Variants in DOCK3 observed in about 807,000 individuals in gnomAD.
The protein encoded by DOCK3 is dedicator of cytokinesis 3.
Under a neutral mutation model 265.6 loss-of-function variants are expected in DOCK3, and 60 were observed. The ratio of observed to expected loss-of-function variants is 0.23; its 90% CI spans 0.18 to 0.28. DOCK3 has a LOEUF of 0.28. Among genes scored for constraint, DOCK3 ranks in the 10% least tolerant of loss-of-function variants. The pLI is 1.00. For synonymous variants in DOCK3, 881 were observed against 938.0 expected (o/e 0.94, Z 1.11); for missense variants, 1,981 against 2,594.3 (o/e 0.76, Z 5.14).
chr3:51,288,224 T>A (rs901975629), intron 27 of DOCK3, among the ~76,000 whole-genome samples: 4 of 152,012 alleles, frequency 2.6e-5, no homozygotes, highest in African/African-American at 9.7e-5. Flanking sequence ...AAACCCCGTC[T>A]CTACTAAAAA....
chr3:50,881,955 A>G (rs2048056295), intron 3 of DOCK3, among the ~76,000 whole-genome samples: 1 of 152,190 alleles, frequency 6.6e-6, no homozygotes, highest in African/African-American at 2.4e-5. Flanking sequence ...CCTCGGAAAT[A>G]ATACCACACG....
chr3:50,705,914 C>T (rs1559533913), intron 1 of DOCK3, among the ~76,000 whole-genome samples: 2 of 151,986 alleles, frequency 1.3e-5, no homozygotes, highest in African/African-American at 2.4e-5. Flanking sequence ...ACTTGTAATC[C>T]GAGCTACTCA....
intron 5 of DOCK3, among the ~76,000 whole-genome samples, chr3:50,937,219 G>A (rs1225269831): frequency 7.1e-6 from 1 of 141,406 alleles, no homozygotes; most frequent in Non-Finnish European, 1.5e-5. Flanking sequence ...GGAGGTTTCA[G>A]TAAGCCAAGA....
intron 27 of DOCK3, among the ~76,000 whole-genome samples, chr3:51,309,774 C>G (rs2082955731): frequency 6.6e-6 from 1 of 152,244 alleles, no homozygotes. Context: ...CATGGACAAG[C>G]AGATTTTCAG....
At chr3:50,788,079 G>A in intron 2 of DOCK3, 1 of 756,632 alleles carries the variant, frequency 1.3e-6, no homozygotes, top group South Asian at 1.7e-5. Context: ...TGGAGATGTA[G>A]TTTGCTCATC....
intron 5 of DOCK3, among the ~76,000 whole-genome samples, chr3:50,935,340 G>A (rs2051297931): frequency 6.6e-6 from 1 of 152,188 alleles, no homozygotes; most frequent in African/African-American, 2.4e-5. Context: ...ACAGTAACAA[G>A]GGGATGCCCC....
intron 5 of DOCK3, among the ~76,000 whole-genome samples, chr3:51,015,540 T>G: frequency 7.1e-6 from 1 of 140,936 alleles, no homozygotes; most frequent in African/African-American, 2.7e-5. Flanking sequence ...TAGTATTTTG[T>G]TGAGGATTTT....
At chr3:50,835,961 A>G (rs572205416) in intron 2 of DOCK3, among the ~76,000 whole-genome samples, 1 of 152,336 alleles carries the variant, frequency 6.6e-6, no homozygotes, top group East Asian at 1.9e-4. Flanking sequence ...CAAAGAGCCA[A>G]GTATCCCCCC....
chr3:50,971,285 C>T (rs1480921755), intron 5 of DOCK3, among the ~76,000 whole-genome samples: 1 of 151,402 alleles, frequency 6.6e-6, no homozygotes, highest in Non-Finnish European at 1.5e-5. Flanking sequence ...TCTCTGTTTC[C>T]TTCTTTTCTA....
chr3:51,337,997 T>C (rs1449852873), intron 35 of DOCK3, among the ~76,000 whole-genome samples: 1 of 152,230 alleles, frequency 6.6e-6, no homozygotes, highest in Non-Finnish European at 1.5e-5. Context: ...ACCTGCCCTT[T>C]AAGGAGAATT....
chr3:51,008,319 C>A (rs941872884), intron 5 of DOCK3, among the ~76,000 whole-genome samples: 1 of 152,132 alleles, frequency 6.6e-6, no homozygotes, highest in African/African-American at 2.4e-5. Flanking sequence ...GTTTGTAGTT[C>A]TCCTTGAAGA....
chr3:50,964,686 G>A (rs2076978753), intron 5 of DOCK3, among the ~76,000 whole-genome samples: 1 of 152,136 alleles, frequency 6.6e-6, no homozygotes, highest in Non-Finnish European at 1.5e-5. Context: ...AAAAGGGACA[G>A]GAGGTAGATG....
chr3:51,226,889 C>T (rs1432437454), intron 15 of DOCK3, among the ~76,000 whole-genome samples: 1 of 152,168 alleles, frequency 6.6e-6, no homozygotes, highest in Non-Finnish European at 1.5e-5. Flanking sequence ...AGGCTGTCTC[C>T]ACTTTGTAAT....
intron 5 of DOCK3, among the ~76,000 whole-genome samples, chr3:51,044,783 A>C (rs948600839): frequency 1.3e-5 from 2 of 152,024 alleles, no homozygotes. Context: ...TGTTGTGGAG[A>C]TACCATCTTT....
intron 9 of DOCK3, among the ~76,000 whole-genome samples, chr3:51,129,588 A>C (rs2084418214): frequency 6.6e-6 from 1 of 152,194 alleles, no homozygotes; most frequent in Non-Finnish European, 1.5e-5. Context: ...CACCCAGCTC[A>C]TGATAGGCCA....
intron 12 of DOCK3, among the ~76,000 whole-genome samples, chr3:51,202,452 C>G (rs1488098249): frequency 3.9e-5 from 6 of 151,952 alleles, no homozygotes; most frequent in Non-Finnish European, 7.4e-5. Context: ...TATACACCCT[C>G]CCAAGACTAA....
chr3:51,260,305 A>G lies in DOCK3; in HGVS notation c.2334A>G (p.Ser778=). 2 of 1,613,896 alleles carry G rather than the reference A, an allele frequency of 1.2e-6. No homozygotes were observed. The highest frequency in any genetic ancestry group is 1.7e-6 in the Non-Finnish European group (2 of 1,179,844). The part of the protein sequence containing the change: ...RFVLSLDSRN[S]ETLLFTQAAL... ...TGCTCAGTCTGGACAGCCGAAACTC[A>G]GAAACACTCCTTTTTACTCAGGTTC... The change falls in exon 23 of 53, where the codon TCA becomes TCG. Residue 778 remains serine (S), a synonymous_variant. Coordinates refer to ENST00000266037, the MANE Select transcript of DOCK3 (RefSeq NM_004947.5).
intron 3 of DOCK3, among the ~76,000 whole-genome samples, chr3:50,852,034 T>G (rs1379372909): frequency 6.6e-6 from 1 of 152,216 alleles, no homozygotes; most frequent in Non-Finnish European, 1.5e-5. Flanking sequence ...CAGAGTACTT[T>G]CCCTTGGCCT....
chr3:50,793,587 A>T (rs1487409162), intron 2 of DOCK3, among the ~76,000 whole-genome samples: 2 of 151,750 alleles, frequency 1.3e-5, no homozygotes, highest in African/African-American at 2.4e-5. Context: ...CGAACTCCTG[A>T]TCTCACGTGA....
Sources: gnomAD v4.1 joint callset for allele counts (sites outside exome capture counted in the v4.1 genomes callset) on GRCh38, gnomAD v4.1.1 for gene constraint, MANE v1.5 for transcripts, NCBI Gene and HGNC (gene_info 2026-07-23, HGNC 2026-07-21) for gene names.